FHIT: variants seen among roughly 807,000 people sequenced by gnomAD.
The protein encoded by FHIT is bis(5'-adenosyl)-triphosphatase.
A neutral mutation model predicts 17.9 loss-of-function variants in FHIT; 19 were observed. The ratio of observed to expected loss-of-function variants is 1.06; its 90% CI spans 0.74 to 1.56. The LOEUF is 1.56. Ranked by LOEUF, FHIT falls within the 40% of genes most tolerant of loss-of-function variation. The pLI is 0.00. For missense variants in FHIT, 248 were observed against 189.2 expected, an observed-to-expected ratio of 1.31 and a Z score of -1.82; for synonymous variants, 81 against 69.7, an observed-to-expected ratio of 1.16 and a Z score of -0.81.
intron 8 of FHIT, among the ~76,000 whole-genome samples, chr3:59,816,845 T>G (rs1700616863): frequency 6.6e-6 from 1 of 152,230 alleles, no homozygotes; most frequent in African/African-American, 2.4e-5. Context: ...AAACATTTGC[T>G]GAATGAATCC....
chr3:60,481,149 A>T (rs1315396056), intron 5 of FHIT, among the ~76,000 whole-genome samples: 1 of 152,208 alleles, frequency 6.6e-6, no homozygotes, highest in Non-Finnish European at 1.5e-5. Flanking sequence ...GGAGTGAACA[A>T]AACCTCCAAG....
intron 3 of FHIT, among the ~76,000 whole-genome samples, chr3:60,995,536 A>G (rs959922356): frequency 6.6e-6 from 1 of 152,078 alleles, no homozygotes; most frequent in African/African-American, 2.4e-5. Flanking sequence ...TGCTGCGACT[A>G]CAGGTGTCCC....
chr3:60,644,448 C>A (rs1253067151), intron 4 of FHIT, among the ~76,000 whole-genome samples: 1 of 152,096 alleles, frequency 6.6e-6, no homozygotes, highest in Admixed American at 6.5e-5. Context: ...TAAATAGATA[C>A]ATTTATTAAT....
chr3:60,223,847 G>A (rs1418091303), intron 5 of FHIT, among the ~76,000 whole-genome samples: 1 of 151,998 alleles, frequency 6.6e-6, no homozygotes, highest in Admixed American at 6.6e-5. Context: ...TCACTCCATG[G>A]CTGACTTGGT....
intron 4 of FHIT, among the ~76,000 whole-genome samples, chr3:60,638,119 CA>C (rs1257545099): frequency 6.6e-6 from 1 of 152,098 alleles, no homozygotes; most frequent in African/African-American, 2.4e-5. Context: ...TAGAAGTTGC[CA>C]GGACACCAAC....
At chr3:60,106,640 C>T (rs541716746) in intron 5 of FHIT, among the ~76,000 whole-genome samples, 4 of 152,258 alleles carry the variant, frequency 2.6e-5, no homozygotes, top group Admixed American at 2.0e-4. Flanking sequence ...CTGAGGTGCC[C>T]AGCCAAGGAC....
intron 5 of FHIT, among the ~76,000 whole-genome samples, chr3:60,043,621 T>A (rs1701532066): frequency 2.0e-5 from 3 of 152,216 alleles, no homozygotes. Flanking sequence ...TGAGCACTTA[T>A]GACAACTGCC....
At chr3:60,664,597 TGTA>T (rs1300102795) in intron 4 of FHIT, among the ~76,000 whole-genome samples, 1 of 151,976 alleles carries the variant, frequency 6.6e-6, no homozygotes, top group Non-Finnish European at 1.5e-5. Flanking sequence ...AGTGAAACAA[TGTA>T]GTCCTAGAGA....
chr3:60,566,569 C>T (rs1185292059), intron 4 of FHIT, among the ~76,000 whole-genome samples: 1 of 152,076 alleles, frequency 6.6e-6, no homozygotes, highest in African/African-American at 2.4e-5. Flanking sequence ...TGCCCTCTCT[C>T]ACCACTCCTA....
chr3:61,238,223 G>A (rs2040280735), intron 1 of FHIT, among the ~76,000 whole-genome samples: 1 of 152,170 alleles, frequency 6.6e-6, no homozygotes, highest in East Asian at 1.9e-4. Context: ...AATAGTAAAA[G>A]GGGATGAAGT....
intron 4 of FHIT, among the ~76,000 whole-genome samples, chr3:60,655,029 G>C (rs782062544): frequency 1.1e-4 from 16 of 152,144 alleles, no homozygotes; most frequent in Non-Finnish European, 2.1e-4. Flanking sequence ...GAAGTGGCAA[G>C]CCCAATAGAA....
intron 4 of FHIT, among the ~76,000 whole-genome samples, chr3:60,760,623 A>G (rs1200839645): frequency 4.6e-5 from 7 of 152,192 alleles, no homozygotes; most frequent in Admixed American, 3.9e-4. Flanking sequence ...TACTTAGCCC[A>G]TGAGGAGTCA....
At chr3:60,480,119 A>C (rs1324423733) in intron 5 of FHIT, among the ~76,000 whole-genome samples, 1 of 152,178 alleles carries the variant, frequency 6.6e-6, no homozygotes, top group African/African-American at 2.4e-5. Context: ...CAGAAGGCAA[A>C]GAGAAAGCAA....
At chr3:61,064,852 T>G (rs759331286) in intron 2 of FHIT, among the ~76,000 whole-genome samples, 1 of 151,542 alleles carries the variant, frequency 6.6e-6, no homozygotes, top group Non-Finnish European at 1.5e-5. Context: ...CAAAGGAGAG[T>G]CTTTACCCAC....
At chr3:59,959,387 G>A (rs1707558660) in intron 7 of FHIT, among the ~76,000 whole-genome samples, 1 of 152,176 alleles carries the variant, frequency 6.6e-6, no homozygotes, top group East Asian at 1.9e-4. Flanking sequence ...TACTTGACAG[G>A]AAAATGAGGT....
intron 9 of FHIT, chr3:59,751,433 A>C (rs546676955): frequency 1.0e-5 from 2 of 198,820 alleles, no homozygotes; most frequent in Non-Finnish European, 2.1e-5. Context: ...TTTACAGGCC[A>C]AACATCACCC....
At chr3:60,701,530 G>A (rs1195762074) in intron 4 of FHIT, among the ~76,000 whole-genome samples, 3 of 152,062 alleles carry the variant, frequency 2.0e-5, no homozygotes, top group South Asian at 2.1e-4. Context: ...ACAGGGAGTC[G>A]AAGCTGTCCT....
chr3:60,984,396 C>A (rs1421298855), intron 3 of FHIT, among the ~76,000 whole-genome samples: 2 of 152,146 alleles, frequency 1.3e-5, no homozygotes, highest in Non-Finnish European at 2.9e-5. Flanking sequence ...TCATTCCACC[C>A]CCACCTACCA....
chr3:60,813,933 T>G (rs1488072871), intron 4 of FHIT, among the ~76,000 whole-genome samples: 1 of 152,222 alleles, frequency 6.6e-6, no homozygotes, highest in Non-Finnish European at 1.5e-5. Flanking sequence ...GCTGTTTCCA[T>G]GGTGTATTTA....
Sources: gnomAD v4.1 joint callset for allele counts (sites outside exome capture counted in the v4.1 genomes callset) on GRCh38, gnomAD v4.1.1 for gene constraint, MANE v1.5 for transcripts, NCBI Gene and HGNC (gene_info 2026-07-23, HGNC 2026-07-21) for gene names.